The following SPAG9 variants were observed in gnomAD, a reference collection of about 807,000 sequenced individuals.
The protein encoded by SPAG9 is C-Jun-amino-terminal kinase-interacting protein 4.
A neutral mutation model predicts 166.5 loss-of-function variants in SPAG9; 35 were observed. The observed-to-expected ratio is 0.21, with a 90% CI of 0.16 to 0.28. The LOEUF is 0.28. SPAG9 is among the 10% of genes least tolerant of loss of function. The probability of loss-of-function intolerance (pLI) is 1.00; values close to 1 mark genes in which losing one functional copy is unlikely to be tolerated. For synonymous variants in SPAG9, 534 were observed against 565.5 expected, an observed-to-expected ratio of 0.94 and a Z score of 0.79; for missense variants, 1,235 against 1,603.3, an observed-to-expected ratio of 0.77 and a Z score of 3.92.
At position 50,990,562 on chromosome 17, in the gene SPAG9, T is replaced by A. The variant is rs767127618; in HGVS notation, c.2505A>T (p.Thr835=). The A allele has an allele frequency of 6.8e-6, 11 of 1,614,098 alleles. No homozygotes were observed. Among genetic ancestry groups the A allele is most frequent in the Non-Finnish European group, 7.6e-6 (9 of 1,180,014 alleles). ...GSMTSNSSAE[T]DSLLGGITVV... ...CTGTGATGCCTCCTAACAGGCTGTC[T>A]GTCTCTGCTGAGCTGTTGCTTGTCA... The change falls in exon 20 of 30, where the codon ACA becomes ACT. Residue 835 remains threonine, a synonymous_variant. Transcript: ENST00000262013.
At chr17:51,076,991 TATCTAGCTATCTAGCTAGCTAGCTAG>T (rs2047991932) in intron 2 of SPAG9, among the ~76,000 whole-genome samples, 1 of 94,398 alleles carries the variant, frequency 1.1e-5, no homozygotes, top group Non-Finnish European at 2.5e-5. Context: ...CTTATCTAGC[TATCTAGCTATCTAGCTAGCTAGCTAG>T]CTATCTAGCT....
intron 1 of SPAG9, among the ~76,000 whole-genome samples, chr17:51,088,036 T>C (rs1318935413): frequency 6.6e-6 from 1 of 152,212 alleles, no homozygotes; most frequent in African/African-American, 2.4e-5. Flanking sequence ...TGAGCGACCA[T>C]GCCTGGCCCT....
intron 2 of SPAG9, among the ~76,000 whole-genome samples, chr17:51,069,554 A>T (rs1035868516): frequency 2.1e-4 from 32 of 152,130 alleles, no homozygotes; most frequent in Admixed American, 2.1e-3. Context: ...CTTGTGTTGA[A>T]GGTCTGTTTT....
rs539470354 is a variant in SPAG9, at chr17:50,988,692, C to A, written c.2813+985G>T. 6.0e-4 allele frequency among the ~76,000 whole-genome samples: 91 copies of A among 152,136 alleles called. No homozygotes were observed. In the South Asian group the frequency reaches 0.018, roughly 30 times the overall value. ...CCTCAGCCTCCTGAGTAGCTGGGAC[C>A]ATAGGTGCACGCTACCACGCCCAGC... On this transcript the variant is annotated intron_variant, in intron 21 of 29. Coordinates refer to ENST00000262013, the MANE Select transcript of SPAG9 (RefSeq NM_001130528.3).
At chr17:51,086,228 C>T (rs1165879793) in intron 1 of SPAG9, among the ~76,000 whole-genome samples, 2 of 151,876 alleles carry the variant, frequency 1.3e-5, no homozygotes, top group Non-Finnish European at 2.9e-5. Flanking sequence ...GATCTGCCTG[C>T]GTCGGCCTCC....
At chr17:51,034,787 G>A (rs1043197047) in intron 5 of SPAG9, among the ~76,000 whole-genome samples, 6 of 152,140 alleles carry the variant, frequency 3.9e-5, no homozygotes, top group Non-Finnish European at 8.8e-5. Context: ...CAGAAACAGG[G>A]TATCTGCACA....
chr17:51,104,760 C>A (rs1037952687), intron 1 of SPAG9, among the ~76,000 whole-genome samples: 44 of 151,724 alleles, frequency 2.9e-4, no homozygotes, highest in African/African-American at 1.0e-3. Flanking sequence ...GGTGAAACCC[C>A]GTCTCTACTA....
At chr17:51,007,410 T>C (rs886493361) in intron 9 of SPAG9, 84 bp from the exon 10 acceptor site, 1 of 691,924 alleles carries the variant, frequency 1.4e-6, no homozygotes, top group Non-Finnish European at 2.3e-6. Context: ...TAGTCACAAG[T>C]TTTATTTTAG....
At chr17:51,052,568 T>C (rs1257735121) in intron 3 of SPAG9, among the ~76,000 whole-genome samples, 3 of 152,012 alleles carry the variant, frequency 2.0e-5, no homozygotes, top group African/African-American at 7.3e-5. Context: ...TCTGACTTGG[T>C]AATTAAAATT....
intron 1 of SPAG9, among the ~76,000 whole-genome samples, chr17:51,119,336 T>C (rs1001932159): frequency 1.3e-5 from 2 of 152,188 alleles, no homozygotes; most frequent in African/African-American, 4.8e-5. Context: ...TTGATCACCA[T>C]GTATTTAAGC....
At chr17:51,026,670 T>C (rs1406788252) in intron 6 of SPAG9, among the ~76,000 whole-genome samples, 8 of 134,052 alleles carry the variant, frequency 6.0e-5, no homozygotes, top group Non-Finnish European at 9.8e-5. Flanking sequence ...TTTCTTTTTC[T>C]TTTCTTTTTT....
At chr17:51,040,123 A>G (rs1450844109) in intron 5 of SPAG9, among the ~76,000 whole-genome samples, 1 of 151,900 alleles carries the variant, frequency 6.6e-6, no homozygotes, top group African/African-American at 2.4e-5. Flanking sequence ...AATCCCAGCT[A>G]CTTGGGAAGC....
chr17:51,019,449 C>T (rs747785250), intron 8 of SPAG9, among the ~76,000 whole-genome samples: 12 of 151,966 alleles, frequency 7.9e-5, no homozygotes, highest in East Asian at 3.9e-4. Flanking sequence ...CCCAGCTACT[C>T]GGGAAGCTGA....
At chr17:51,018,363 C>CAAAAAA (rs555936704) in intron 8 of SPAG9, among the ~76,000 whole-genome samples, 1 of 141,598 alleles carries the variant, frequency 7.1e-6, no homozygotes, top group Non-Finnish European at 1.6e-5. Flanking sequence ...GACTGCATCT[C>CAAAAAA]AAAAAAAAAA....
At chr17:50,989,458 AT>A (rs756003222) in intron 21 of SPAG9, 1,066 of 566,642 alleles carry the variant, frequency 1.9e-3, no homozygotes, top group East Asian at 2.9e-3. Context: ...TATAGATAAG[AT>A]TTTTTTTTTA....
chr17:50,962,366 A>C lies in SPAG9; in HGVS notation c.*3906T>G. The C allele has an allele frequency of 6.6e-6, 1 of 152,244 alleles. No homozygotes were observed. Among genetic ancestry groups the C allele is most frequent in the East Asian group, 1.9e-4 (1 of 5,202 alleles). The allele number at this position is 152,244 out of a possible 1,614,324, so 9.4% of individuals were successfully genotyped here. A position where few individuals can be genotyped will look rare whatever the true frequency, so the allele number is the denominator to read the frequency against. On this transcript the variant is annotated 3_prime_UTR_variant, in exon 30 of 30. Coordinates refer to ENST00000262013, the MANE Select transcript of SPAG9 (RefSeq NM_001130528.3). ...AACCCATTTTTCAGATTATAGAGGC[A>C]AGTAAAATTCTGATAGAATGTCTTG...
chr17:51,082,860 C>T (rs779902665), intron 1 of SPAG9, among the ~76,000 whole-genome samples: 1 of 152,114 alleles, frequency 6.6e-6, no homozygotes, highest in Non-Finnish European at 1.5e-5. Flanking sequence ...GGAACTTTCT[C>T]TCTCCAGTTT....
At position 51,009,838 on chromosome 17, in the gene SPAG9, A is replaced by G. The variant is rs762995576; in HGVS notation, c.1214-2512T>C. On this transcript the variant is annotated intron_variant, in intron 9 of 29. Transcript: ENST00000262013. ...TCCGAGATGGCAAAAATAAATAAAT[A>G]AAGTTTACATTAAATGTACACATTC... is the stretch of plus-strand genomic sequence containing the variant. Among the ~76,000 whole-genome samples the G allele has an allele frequency of 3.3e-5, 5 of 152,174 alleles. No homozygotes were observed. The South Asian group carries it at 6.2e-4, about 19-fold the overall frequency.
intron 1 of SPAG9, among the ~76,000 whole-genome samples, chr17:51,104,760 C>T (rs1037952687): frequency 2.6e-5 from 4 of 151,606 alleles, no homozygotes; most frequent in Admixed American, 1.3e-4. Flanking sequence ...GGTGAAACCC[C>T]GTCTCTACTA....
Sources: gnomAD v4.1 joint callset for allele counts (sites outside exome capture counted in the v4.1 genomes callset) on GRCh38, gnomAD v4.1.1 for gene constraint, MANE v1.5 for transcripts, NCBI Gene and HGNC (gene_info 2026-07-23, HGNC 2026-07-21) for gene names.